Variants in NCAM2 observed in about 807,000 individuals in gnomAD.
NCAM2 encodes the protein neural cell adhesion molecule 2.
A neutral mutation model predicts 98.1 loss-of-function variants in NCAM2; 30 were observed. The observed-to-expected ratio is 0.31, with a 90% confidence interval of 0.23 to 0.41. The LOEUF (loss-of-function observed/expected upper bound fraction) is 0.41, where lower values mean the gene tolerates loss of function less well. NCAM2 is among the 10% of genes least tolerant of loss of function. The probability of loss-of-function intolerance (pLI) is 1.00; values close to 1 mark genes in which losing one functional copy is unlikely to be tolerated. For synonymous variants in NCAM2, 368 were observed against 342.4 expected, an observed-to-expected ratio of 1.07 and a Z score of -0.83; for missense variants, 867 against 1,005.8, an observed-to-expected ratio of 0.86 and a Z score of 1.87.
rs570797495 is a variant in NCAM2 at position 21,189,980 on chromosome 21, T to C, written c.56-90598T>C. 3.0e-4 allele frequency among the ~76,000 whole-genome samples: 46 copies of C among 152,326 alleles called. 1 individual carries two copies. In the South Asian group the frequency reaches 5.8e-3, roughly 19 times the overall value. ...TAGATGGGCAAGGTGGTTCTATTTGTATTTGTAATGGAACAAAGGAGAGCA... is the reference window on the plus strand; with the variant it reads ...TAGATGGGCAAGGTGGTTCTATTTGCATTTGTAATGGAACAAAGGAGAGCA... On this transcript the variant is annotated intron_variant, in intron 1 of 17. Transcript: ENST00000400546.
intron 12 of NCAM2, among the ~76,000 whole-genome samples, chr21:21,438,399 A>G (rs1412085442): frequency 6.6e-6 from 1 of 152,154 alleles, no homozygotes; most frequent in Non-Finnish European, 1.5e-5. Context: ...ACCTGGTCCT[A>G]GGTTTAAGGT....
intron 1 of NCAM2, among the ~76,000 whole-genome samples, chr21:21,147,679 A>G (rs529499318): frequency 6.8e-6 from 1 of 147,494 alleles, no homozygotes; most frequent in South Asian, 2.1e-4. Context: ...ACACTAGCGC[A>G]TATGCACACA....
chr21:21,197,297 CTT>C (rs1568754148), intron 1 of NCAM2, among the ~76,000 whole-genome samples: 4 of 151,912 alleles, frequency 2.6e-5, no homozygotes, highest in South Asian at 2.1e-4. Flanking sequence ...GCCTGGCTAA[CTT>C]TGGTATTTTT....
intron 1 of NCAM2, among the ~76,000 whole-genome samples, chr21:21,209,011 GT>G (rs1568771267): frequency 6.6e-6 from 1 of 152,000 alleles, no homozygotes; most frequent in Non-Finnish European, 1.5e-5. Flanking sequence ...CCTCATCTGT[GT>G]TGTGATTTAA....
intron 1 of NCAM2, among the ~76,000 whole-genome samples, chr21:21,087,504 G>T (rs894758878): frequency 1.3e-5 from 2 of 152,094 alleles, no homozygotes; most frequent in Non-Finnish European, 2.9e-5. Context: ...TGGACTAAGG[G>T]GTCGCAACAG....
intron 1 of NCAM2, among the ~76,000 whole-genome samples, chr21:21,212,773 T>C (rs944381185): frequency 6.6e-6 from 1 of 150,502 alleles, no homozygotes; most frequent in African/African-American, 2.5e-5. Flanking sequence ...AGTGGAGTCT[T>C]GCTCTGTCGC....
At chr21:21,486,973 C>A (rs1393567168) in intron 15 of NCAM2, among the ~76,000 whole-genome samples, 3 of 152,056 alleles carry the variant, frequency 2.0e-5, no homozygotes, top group African/African-American at 4.8e-5. Flanking sequence ...TTTATTCTTA[C>A]ATGAACACCT....
At chr21:21,048,082 A>G (rs1044646101) in intron 1 of NCAM2, among the ~76,000 whole-genome samples, 1 of 152,088 alleles carries the variant, frequency 6.6e-6, no homozygotes, top group Admixed American at 6.5e-5. Flanking sequence ...TTCCTTTCCA[A>G]ATCCAGGAGA....
chr21:21,286,052 C>T (rs1461038091), intron 3 of NCAM2, among the ~76,000 whole-genome samples: 1 of 151,804 alleles, frequency 6.6e-6, no homozygotes, highest in Non-Finnish European at 1.5e-5. Flanking sequence ...TTATACAGAA[C>T]CTCATATGGC....
At chr21:21,050,215 A>G (rs1337880789) in intron 1 of NCAM2, among the ~76,000 whole-genome samples, 3 of 152,072 alleles carry the variant, frequency 2.0e-5, no homozygotes, top group African/African-American at 2.4e-5. Context: ...ACACTCCCTT[A>G]ATTTGTACCA....
At chr21:21,148,745 G>A (rs774897408) in intron 1 of NCAM2, among the ~76,000 whole-genome samples, 3 of 152,096 alleles carry the variant, frequency 2.0e-5, no homozygotes, top group African/African-American at 7.2e-5. Context: ...AGTATATTCA[G>A]TTGATGTTCA....
intron 1 of NCAM2, among the ~76,000 whole-genome samples, chr21:21,012,772 T>A (rs928495648): frequency 6.6e-6 from 1 of 152,184 alleles, no homozygotes; most frequent in Non-Finnish European, 1.5e-5. Flanking sequence ...CTCATTTTTC[T>A]GATAGCATAT....
intron 1 of NCAM2, among the ~76,000 whole-genome samples, chr21:21,279,611 C>G (rs1174464287): frequency 6.6e-6 from 1 of 152,134 alleles, no homozygotes; most frequent in Admixed American, 6.5e-5. Flanking sequence ...CCGGCCTTGG[C>G]CTCCCAAAGT....
rs1990254463 is a variant in NCAM2 at position 21,542,092 on chromosome 21, A to C, written c.*4135A>C. 6.6e-6 allele frequency: 1 copy of C among 151,926 alleles called. No individual in the cohort carries two copies. Among genetic ancestry groups the C allele is most frequent in the South Asian group, 2.1e-4 (1 of 4,836 alleles). 9.4% of individuals were successfully genotyped at this position (151,926 alleles called of 1,614,324 possible). ...ATCTTAGAAGGTAAAATTTTCAAGA[A>C]AGTATTTTATTCATGGACTTAATAA... is the stretch of plus-strand genomic sequence containing the variant. On this transcript the variant is annotated 3_prime_UTR_variant, in exon 18 of 18. Coordinates refer to ENST00000400546, the MANE Select transcript of NCAM2 (RefSeq NM_004540.5).
intron 5 of NCAM2, among the ~76,000 whole-genome samples, chr21:21,293,611 G>A (rs1051007315): frequency 2.7e-5 from 4 of 150,902 alleles, no homozygotes; most frequent in African/African-American, 9.7e-5. Flanking sequence ...CTTCAGTGCG[G>A]GAGGAAGATT....
intron 1 of NCAM2, among the ~76,000 whole-genome samples, chr21:21,082,824 A>G (rs969367427): frequency 6.6e-6 from 1 of 152,126 alleles, no homozygotes; most frequent in Non-Finnish European, 1.5e-5. Context: ...CATCTCTCTT[A>G]GGTATTTGAA....
intron 12 of NCAM2, among the ~76,000 whole-genome samples, chr21:21,443,086 A>G (rs1436597308): frequency 6.6e-6 from 1 of 152,088 alleles, no homozygotes; most frequent in African/African-American, 2.4e-5. Context: ...TCTGTTCTCA[A>G]TATGCAGCCA....
intron 16 of NCAM2, among the ~76,000 whole-genome samples, chr21:21,532,869 G>T (rs564950681): frequency 6.6e-6 from 1 of 152,116 alleles, no homozygotes; most frequent in African/African-American, 2.4e-5. Flanking sequence ...CTTACTTGGG[G>T]CCCTTGATCA....
chr21:21,482,175 A>G (rs1301900908), intron 15 of NCAM2, among the ~76,000 whole-genome samples: 2 of 152,154 alleles, frequency 1.3e-5, no homozygotes, highest in Non-Finnish European at 2.9e-5. Context: ...AGAAAGTCAT[A>G]TCAGAAACAA....
Sources: gnomAD v4.1 joint callset for allele counts (sites outside exome capture counted in the v4.1 genomes callset) on GRCh38, gnomAD v4.1.1 for gene constraint, MANE v1.5 for transcripts, NCBI Gene and HGNC (gene_info 2026-07-23, HGNC 2026-07-21) for gene names.